RIBC2: variants seen among roughly 807,000 people sequenced by gnomAD.
RIBC2 encodes RIB43A-like with coiled-coils protein 2.
Under a neutral mutation model 44.3 loss-of-function variants are expected in RIBC2, and 40 were observed. The ratio of observed to expected loss-of-function variants is 0.90; its 90% confidence interval spans 0.70 to 1.18. The LOEUF is 1.18. Among genes scored for constraint, RIBC2 ranks in the 50% most tolerant of loss-of-function variants. The pLI is 0.00. For missense variants in RIBC2, 459 were observed against 485.5 expected (o/e 0.95, Z 0.51); for synonymous variants, 171 against 175.0 (o/e 0.98, Z 0.18).
Position 45,413,827 on chromosome 22 carries a change from C to T in RIBC2, c.-60C>T, listed in dbSNP as rs892709465. The T allele has an allele frequency of 1.3e-6, 2 of 1,495,646 alleles. No homozygotes were observed. The highest frequency in any genetic ancestry group is 1.8e-6 in the Non-Finnish European group (2 of 1,116,544). The allele number at this position is 1,495,646 out of a possible 1,614,324, so 92.6% of individuals were successfully genotyped here. A position where few individuals can be genotyped will look rare whatever the true frequency, so the allele number is the denominator to read the frequency against. ...GCCGACCTTGCCTGCGCTACAGCTT[C>T]CTTATTTTCGTCGCCTGTTCTCCTG... is the stretch of plus-strand genomic sequence containing the variant. On this transcript the variant is annotated 5_prime_UTR_variant, in exon 1 of 7. Coordinates refer to ENST00000614167, the MANE Select transcript of RIBC2 (RefSeq NM_015653.5).
At chr22:45,422,446 G>C in intron 4 of RIBC2, 38 bp downstream of exon 4, 1 of 1,442,638 alleles carries the variant, frequency 6.9e-7, no homozygotes, top group Non-Finnish European at 9.8e-7. Context: ...GACGACTGGA[G>C]GGGAGGATGA....
At position 45,415,985 on chromosome 22, in the gene RIBC2, C is replaced by G. The variant is rs572102277; in HGVS notation, c.211+1582C>G. On this transcript the variant is annotated intron_variant, in intron 2 of 6. Transcript: ENST00000614167. ...AAAGTGTTGGGATTACAGGCATGAGCCACCAGGCCCAGCCCCCACGCACTA... is the reference window on the plus strand; with the variant it reads ...AAAGTGTTGGGATTACAGGCATGAGGCACCAGGCCCAGCCCCCACGCACTA... Among the ~76,000 whole-genome samples the G allele has an allele frequency of 7.2e-5, 11 of 152,328 alleles. No homozygotes were observed. In the South Asian group the frequency reaches 1.5e-3, roughly 20 times the overall value.
intron 5 of RIBC2, among the ~76,000 whole-genome samples, chr22:45,429,524 G>C (rs2087560948): frequency 6.6e-6 from 1 of 152,108 alleles, no homozygotes; most frequent in African/African-American, 2.4e-5. Context: ...AGTGGCGGTG[G>C]CGTGGACCAG....
At chr22:45,421,526 A>C (rs12157328) in intron 3 of RIBC2, among the ~76,000 whole-genome samples, 1 of 36,508 alleles carries the variant, frequency 2.7e-5, no homozygotes, top group African/African-American at 3.7e-4. Flanking sequence ...AATAATAATA[A>C]TAGTATTATT....
chr22:45,416,560 C>G (rs2087426905), intron 2 of RIBC2, among the ~76,000 whole-genome samples: 1 of 152,132 alleles, frequency 6.6e-6, no homozygotes, highest in Admixed American at 6.5e-5. Context: ...CTCCCGGGTT[C>G]AAGCGATTCT....
intron 4 of RIBC2, among the ~76,000 whole-genome samples, chr22:45,425,144 C>CAAAAA (rs969665205): frequency 3.3e-5 from 5 of 149,738 alleles, no homozygotes; most frequent in African/African-American, 1.2e-4. Flanking sequence ...AACAAACAAA[C>CAAAAA]AAAAAAAAAC....
chr22:45,426,747 C>T (rs931090285), intron 5 of RIBC2, among the ~76,000 whole-genome samples: 3 of 152,138 alleles, frequency 2.0e-5, no homozygotes, highest in Non-Finnish European at 4.4e-5. Context: ...TGAGGGCAGA[C>T]ACTAGGGGCT....
chr22:45,415,414 T>G (rs970936510), intron 2 of RIBC2, among the ~76,000 whole-genome samples: 1 of 152,084 alleles, frequency 6.6e-6, no homozygotes. Flanking sequence ...ATTTTCTCCT[T>G]TATACTGTTC....
At chr22:45,420,653 C>T (rs767587751) in intron 3 of RIBC2, among the ~76,000 whole-genome samples, 23 of 152,214 alleles carry the variant, frequency 1.5e-4, no homozygotes, top group Non-Finnish European at 5.9e-5. Context: ...ACCTCCTGCC[C>T]TTAAACCAGA....
rs1315452745 is a variant in RIBC2 at position 45,430,956 on chromosome 22, G to C, written c.960G>C (p.Gln320His). The change falls in exon 6 of 7, where the codon CAG becomes CAC. Residue 320 changes from glutamine (Q) to histidine (H), a missense_variant. Coordinates refer to ENST00000614167, the MANE Select transcript of RIBC2 (RefSeq NM_015653.5). ...TGGACTGGGACCGGCGGAGGATTCA[G>C]GGGGCTCGCGCCACCCTGCTGTTTG... ...RDLDWDRRRIQGARATLLFER... is the reference protein window; with the variant it reads ...RDLDWDRRRIHGARATLLFER... The C allele has an allele frequency of 6.2e-7, 1 of 1,609,724 alleles. No individual in the cohort carries two copies. The highest frequency in any genetic ancestry group is 8.5e-7 in the Non-Finnish European group (1 of 1,178,234).
Position 45,422,344 on chromosome 22 carries a change from A to G in RIBC2, c.611A>G (p.Gln204Arg). The G allele has an allele frequency of 6.2e-7, 1 of 1,614,216 alleles. No individual in the cohort carries two copies. The highest frequency in any genetic ancestry group is 8.5e-7 in the Non-Finnish European group (1 of 1,180,042). ...TTTGACGAGACAGCCAAGCACCTCCAGAAGCTGGAAAGCACCACCAGAAAG... is the reference window on the plus strand; with the variant it reads ...TTTGACGAGACAGCCAAGCACCTCCGGAAGCTGGAAAGCACCACCAGAAAG... ...LQFDETAKHL[Q>R]KLESTTRKAV... is the part of the protein sequence containing the mutation. Residue 204 changes from glutamine to arginine, a missense_variant, in exon 4 of 7, where the codon CAG becomes CGG. Coordinates refer to ENST00000614167, the MANE Select transcript of RIBC2 (RefSeq NM_015653.5).
intron 4 of RIBC2, among the ~76,000 whole-genome samples, chr22:45,424,295 G>A (rs764516823): frequency 3.3e-5 from 5 of 152,216 alleles, no homozygotes; most frequent in Non-Finnish European, 5.9e-5. Context: ...AAGGACACAC[G>A]TGAGGGCCTC....
intron 5 of RIBC2, among the ~76,000 whole-genome samples, chr22:45,426,661 T>G (rs191948216): frequency 3.0e-4 from 45 of 152,230 alleles, no homozygotes; most frequent in Admixed American, 2.6e-3. Flanking sequence ...GACGGGGAAC[T>G]CTGCAGGGTT....
intron 5 of RIBC2, 32 bp from the exon 6 acceptor site, chr22:45,430,868 A>AGGT (rs1424110873): frequency 1.3e-6 from 2 of 1,521,244 alleles, no homozygotes; most frequent in Admixed American, 4.2e-5. Flanking sequence ...CTCTGGGGAA[A>AGGT]GGTGGTGGTG....
intron 5 of RIBC2, among the ~76,000 whole-genome samples, chr22:45,429,693 G>T (rs1359280830): frequency 6.6e-6 from 1 of 152,192 alleles, no homozygotes; most frequent in Non-Finnish European, 1.5e-5. Context: ...CTGGAATGGG[G>T]GTCCAGGGCC....
chr22:45,424,650 C>G (rs940269173), intron 4 of RIBC2, among the ~76,000 whole-genome samples: 3 of 152,172 alleles, frequency 2.0e-5, no homozygotes, highest in Non-Finnish European at 4.4e-5. Context: ...ATGGAGCGAC[C>G]GCCAGCCAGA....
chr22:45,421,485 ATTAATTATTATTATTAATAATAGTATTAT>A (rs2087477745), intron 3 of RIBC2, among the ~76,000 whole-genome samples: 1 of 113,108 alleles, frequency 8.8e-6, no homozygotes, highest in Admixed American at 9.8e-5. Context: ...TGGATGTCTA[ATTAATTATTATTATTAATAATAGTATTAT>A]TAATAATAAT....
Position 45,432,362 on chromosome 22 carries a change from A to G in RIBC2, c.1149A>G (p.Ter383=). The stretch of plus-strand genomic sequence containing the variant: ...CACAATTTAATACAGGAAGTCGATA[A>G]TGAGGAACACACCCTTGTTCCCGTC... ...YFTQFNTGSR[*] The change falls in exon 7 of 7, where the codon TAA becomes TAG. Residue 383 remains the stop codon, a stop_retained_variant. Transcript: ENST00000614167. The G allele has an allele frequency of 6.3e-7, 1 of 1,583,190 alleles. No homozygotes were observed.
intron 5 of RIBC2, 25 bp from the exon 6 acceptor site, chr22:45,430,875 G>A: frequency 6.5e-7 from 1 of 1,537,392 alleles, no homozygotes; most frequent in Admixed American, 2.0e-5. Context: ...GAAAGGTGGT[G>A]GTGAGCCGCC....
Sources: gnomAD v4.1 joint callset for allele counts (sites outside exome capture counted in the v4.1 genomes callset) on GRCh38, gnomAD v4.1.1 for gene constraint, MANE v1.5 for transcripts, NCBI Gene and HGNC (gene_info 2026-07-23, HGNC 2026-07-21) for gene names.